Variants in NLGN1 observed in about 807,000 individuals in gnomAD.
NLGN1 encodes neuroligin 1.
NLGN1 carries 12 observed loss-of-function variants against 65.5 expected under a neutral mutation model. That is an observed-to-expected ratio of 0.18 (90% confidence interval 0.12 to 0.30). The LOEUF (loss-of-function observed/expected upper bound fraction) is 0.30, where lower values mean the gene tolerates loss of function less well. Ranked by LOEUF, NLGN1 falls within the 10% of genes least tolerant of loss-of-function variation. The pLI, the probability that NLGN1 is intolerant of heterozygous loss-of-function variation, is 1.00. For synonymous variants in NLGN1, 350 were observed against 359.5 expected (o/e 0.97, Z 0.30); for missense variants, 750 against 1,007.1 (o/e 0.74, Z 3.46).
chr3:173,671,392 GA>G (rs1296046388), intron 3 of NLGN1, among the ~76,000 whole-genome samples: 1 of 152,084 alleles, frequency 6.6e-6, no homozygotes, highest in African/African-American at 2.4e-5. Context: ...TGAGGTGGGA[GA>G]ATCACCTGAG....
intron 4 of NLGN1, among the ~76,000 whole-genome samples, chr3:173,879,806 AG>A (rs1732877321): frequency 6.6e-6 from 1 of 152,164 alleles, no homozygotes; most frequent in African/African-American, 2.4e-5. Flanking sequence ...CATGTTTTCT[AG>A]AATTTCTAGT....
At chr3:174,169,896 C>T (rs552520871) in intron 4 of NLGN1, among the ~76,000 whole-genome samples, 2 of 152,288 alleles carry the variant, frequency 1.3e-5, no homozygotes, top group South Asian at 4.1e-4. Context: ...TTTCAAGCCT[C>T]TCCCTAAGTA....
chr3:174,097,664 C>T (rs1319117322), intron 4 of NLGN1, among the ~76,000 whole-genome samples: 1 of 152,064 alleles, frequency 6.6e-6, no homozygotes, highest in African/African-American at 2.4e-5. Flanking sequence ...TTTATCCAGC[C>T]AGCTATGAAG....
intron 3 of NLGN1, among the ~76,000 whole-genome samples, chr3:173,673,203 C>A (rs9784253): frequency 6.6e-6 from 1 of 152,074 alleles, no homozygotes; most frequent in Non-Finnish European, 1.5e-5. Context: ...AAATGTACCC[C>A]TGGGTAAAGT....
At chr3:173,661,063 A>G (rs1760855321) in intron 3 of NLGN1, among the ~76,000 whole-genome samples, 2 of 152,020 alleles carry the variant, frequency 1.3e-5, no homozygotes, top group Non-Finnish European at 2.9e-5. Context: ...GGTGTGTGCC[A>G]GTAATCCACT....
At chr3:173,921,642 T>C (rs1359906645) in intron 4 of NLGN1, among the ~76,000 whole-genome samples, 1 of 152,128 alleles carries the variant, frequency 6.6e-6, no homozygotes, top group Non-Finnish European at 1.5e-5. Context: ...TTAACATGTG[T>C]ATGAGTTCTT....
At chr3:173,414,233 G>A (rs1179226718) in intron 1 of NLGN1, among the ~76,000 whole-genome samples, 1 of 152,162 alleles carries the variant, frequency 6.6e-6, no homozygotes, top group African/African-American at 2.4e-5. Flanking sequence ...AAACAGAGAG[G>A]ATGCTTGAAT....
At chr3:173,459,222 G>A (rs1722975386) in intron 2 of NLGN1, among the ~76,000 whole-genome samples, 1 of 151,998 alleles carries the variant, frequency 6.6e-6, no homozygotes, top group African/African-American at 2.4e-5. Flanking sequence ...AACTCAGTTA[G>A]TTAAAATATA....
chr3:173,481,427 A>T (rs939266264), intron 2 of NLGN1, among the ~76,000 whole-genome samples: 1 of 152,012 alleles, frequency 6.6e-6, no homozygotes, highest in Non-Finnish European at 1.5e-5. Flanking sequence ...TCTTATGAAT[A>T]TGTTAATTGA....
intron 3 of NLGN1, among the ~76,000 whole-genome samples, chr3:173,777,481 A>C (rs760470325): frequency 2.0e-5 from 3 of 152,076 alleles, no homozygotes; most frequent in Middle Eastern, 3.4e-3. Flanking sequence ...TGGCATATCC[A>C]TCACCTCAAA....
At chr3:173,452,496 C>T (rs567796272) in intron 2 of NLGN1, among the ~76,000 whole-genome samples, 2 of 152,132 alleles carry the variant, frequency 1.3e-5, no homozygotes, top group African/African-American at 4.8e-5. Context: ...AATTTTCTTG[C>T]CGGCTTTCAC....
At position 173,589,732 on chromosome 3, in the gene NLGN1, T is replaced by C. The variant is rs554223230; in HGVS notation, c.-320-14547T>C. Reference sequence around the variant, plus strand: ...CCTATTGGGAAACATCCAATTGATATACTGTTTTTTATACCAATGTTTGTC... The same window carrying C: ...CCTATTGGGAAACATCCAATTGATACACTGTTTTTTATACCAATGTTTGTC... On this transcript the variant is annotated intron_variant, in intron 2 of 6. Transcript: ENST00000457714. Among the ~76,000 whole-genome samples, 9 of 152,342 alleles carry C rather than the reference T, an allele frequency of 5.9e-5. No individual in the cohort carries two copies. In the South Asian group the frequency reaches 6.2e-4, roughly 11 times the overall value.
chr3:174,111,587 AAAGTTAT>A (rs1408369146), intron 4 of NLGN1, among the ~76,000 whole-genome samples: 1 of 151,954 alleles, frequency 6.6e-6, no homozygotes, highest in Non-Finnish European at 1.5e-5. Flanking sequence ...GGTAAAGTTA[AAAGTTAT>A]AAGATCTACT....
At chr3:174,122,926 A>G (rs1430074741) in intron 4 of NLGN1, among the ~76,000 whole-genome samples, 18 of 152,002 alleles carry the variant, frequency 1.2e-4, no homozygotes, top group Admixed American at 1.2e-3. Flanking sequence ...TAATAAATAA[A>G]TTAATAAATA....
chr3:174,057,748 C>T (rs1736489209), intron 4 of NLGN1: 1 of 152,032 alleles, frequency 6.6e-6, no homozygotes, highest in Admixed American at 6.6e-5. Flanking sequence ...CTGCATCTCT[C>T]CCAAACCTCA....
At chr3:174,210,120 G>A (rs1736183678) in intron 4 of NLGN1, among the ~76,000 whole-genome samples, 2 of 152,102 alleles carry the variant, frequency 1.3e-5, no homozygotes, top group Admixed American at 1.3e-4. Flanking sequence ...ACGTAAGTAT[G>A]AGTTCAAATA....
At chr3:173,700,594 C>T (rs1766983594) in intron 3 of NLGN1, among the ~76,000 whole-genome samples, 1 of 152,142 alleles carries the variant, frequency 6.6e-6, no homozygotes, top group African/African-American at 2.4e-5. Flanking sequence ...TAATTAAATG[C>T]CTGTTTTCTG....
At chr3:173,626,631 T>G (rs1264859068) in intron 3 of NLGN1, among the ~76,000 whole-genome samples, 1 of 152,104 alleles carries the variant, frequency 6.6e-6, no homozygotes, top group Non-Finnish European at 1.5e-5. Flanking sequence ...ATGTTTTTGT[T>G]TCTGGAACTA....
At chr3:173,725,296 T>G (rs1771586065) in intron 3 of NLGN1, among the ~76,000 whole-genome samples, 1 of 152,216 alleles carries the variant, frequency 6.6e-6, no homozygotes, top group African/African-American at 2.4e-5. Context: ...TGATACATTC[T>G]GTTTTTCTTG....
Sources: allele counts gnomAD v4.1 joint callset (sites outside exome capture counted in the v4.1 genomes callset), GRCh38; gene constraint gnomAD v4.1.1; transcripts MANE v1.5; gene names NCBI Gene and HGNC (gene_info 2026-07-23, HGNC 2026-07-21).